Variants in CSMD3 observed in about 807,000 individuals in gnomAD.
CSMD3 encodes the protein CUB and sushi domain-containing protein 3.
Under a neutral mutation model 435.2 loss-of-function variants are expected in CSMD3, and 177 were observed. The ratio of observed to expected loss-of-function variants is 0.41; its 90% CI spans 0.36 to 0.46. CSMD3 has a LOEUF of 0.46. CSMD3 is among the 20% of genes least tolerant of loss of function. The pLI, the probability that CSMD3 is intolerant of heterozygous loss-of-function variation, is 0.34. For missense variants in CSMD3, 4,265 were observed against 4,504.6 expected, an observed-to-expected ratio of 0.95 and a Z score of 1.52; for synonymous variants, 1,656 against 1,520.5, an observed-to-expected ratio of 1.09 and a Z score of -2.07.
intron 10 of CSMD3, among the ~76,000 whole-genome samples, chr8:112,863,584 A>T (rs2080885274): frequency 6.6e-6 from 1 of 152,016 alleles, no homozygotes. Flanking sequence ...CTCCATTCTT[A>T]TTCAATTTCA....
intron 10 of CSMD3, among the ~76,000 whole-genome samples, chr8:112,866,985 GACTT>G (rs2081002724): frequency 6.6e-6 from 1 of 152,044 alleles, no homozygotes; most frequent in African/African-American, 2.4e-5. Flanking sequence ...ACCAACAAAG[GACTT>G]ACTTATTTAA....
chr8:112,765,711 C>G (rs1434736009), intron 13 of CSMD3, among the ~76,000 whole-genome samples: 1 of 151,578 alleles, frequency 6.6e-6, no homozygotes, highest in Admixed American at 6.6e-5. Context: ...AATTGTTTTT[C>G]AATTTTTCAT....
At chr8:112,231,678 C>A (rs2129898303) in intron 68 of CSMD3, 46 bp from the exon 69 acceptor site, 1 of 1,066,134 alleles carries the variant, frequency 9.4e-7, no homozygotes, top group Non-Finnish European at 1.5e-6. Flanking sequence ...CTGGCCATAG[C>A]TATATTTTCC....
intron 1 of CSMD3, among the ~76,000 whole-genome samples, chr8:113,406,046 G>A (rs2094531462): frequency 6.6e-6 from 1 of 151,820 alleles, no homozygotes; most frequent in African/African-American, 2.4e-5. Flanking sequence ...AAGAGGTGGT[G>A]TCAGAAGCTG....
At chr8:112,306,241 A>C (rs1224898295) in intron 50 of CSMD3, 49 bp from the exon 51 acceptor site, 3 of 1,407,588 alleles carry the variant, frequency 2.1e-6, no homozygotes, top group African/African-American at 2.8e-5. Flanking sequence ...AAAAATGTTT[A>C]ATTTATTAGG....
At chr8:112,771,412 A>G (rs1188445851) in intron 13 of CSMD3, among the ~76,000 whole-genome samples, 1 of 151,908 alleles carries the variant, frequency 6.6e-6, no homozygotes, top group East Asian at 1.9e-4. Context: ...GGTGGCAAAT[A>G]CCTGTAATTC....
At chr8:112,279,559 G>A (rs1292217632) in intron 59 of CSMD3, among the ~76,000 whole-genome samples, 2 of 152,062 alleles carry the variant, frequency 1.3e-5, no homozygotes. Flanking sequence ...AGTTAATACA[G>A]CCCAACTTAG....
intron 13 of CSMD3, among the ~76,000 whole-genome samples, chr8:112,783,485 GA>G (rs1177070056): frequency 2.0e-4 from 15 of 76,294 alleles, no homozygotes; most frequent in Non-Finnish European, 2.8e-4. Flanking sequence ...AAGGAAGGGA[GA>G]GAAGGGAGGG....
intron 4 of CSMD3, among the ~76,000 whole-genome samples, chr8:113,172,761 T>C (rs2092288458): frequency 6.6e-6 from 1 of 152,132 alleles, no homozygotes; most frequent in African/African-American, 2.4e-5. Flanking sequence ...GTAATTTAGA[T>C]GGGCAGTTGG....
chr8:112,355,790 G>A (rs889431506), intron 38 of CSMD3, among the ~76,000 whole-genome samples: 5 of 151,866 alleles, frequency 3.3e-5, no homozygotes, highest in South Asian at 2.1e-4. Flanking sequence ...CAGAGATTGT[G>A]CCACTGCACT....
At chr8:113,276,679 C>T (rs1032312749) in intron 3 of CSMD3, among the ~76,000 whole-genome samples, 1 of 151,996 alleles carries the variant, frequency 6.6e-6, no homozygotes, top group African/African-American at 2.4e-5. Flanking sequence ...AACACCAGGA[C>T]TTTTAACTTA....
intron 9 of CSMD3, among the ~76,000 whole-genome samples, chr8:112,929,868 C>T (rs1564116582): frequency 1.3e-5 from 2 of 151,766 alleles, no homozygotes; most frequent in African/African-American, 4.8e-5. Flanking sequence ...TTTTCTGTGA[C>T]AGAAATGTTT....
chr8:112,557,036 A>G, intron 24 of CSMD3, 82 bp from the exon 25 acceptor site: 2 of 841,100 alleles, frequency 2.4e-6, no homozygotes, highest in South Asian at 1.4e-5. Context: ...TTCCTTTACT[A>G]TTTTTGATGA....
chr8:112,806,466 G>A (rs887875955), intron 12 of CSMD3, among the ~76,000 whole-genome samples: 10 of 152,180 alleles, frequency 6.6e-5, no homozygotes, highest in South Asian at 6.2e-4. Context: ...ACTTATATGC[G>A]CGTCCCACAT....
intron 37 of CSMD3, among the ~76,000 whole-genome samples, chr8:112,383,150 T>C (rs916229072): frequency 1.3e-5 from 2 of 152,228 alleles, no homozygotes; most frequent in African/African-American, 4.8e-5. Flanking sequence ...TTCTGTATTC[T>C]CTTTATTCTC....
At chr8:113,288,028 T>G (rs1196970658) in intron 2 of CSMD3, among the ~76,000 whole-genome samples, 1 of 151,934 alleles carries the variant, frequency 6.6e-6, no homozygotes. Context: ...CAAAGTAGGT[T>G]ATTTTCTAGT....
intron 22 of CSMD3, among the ~76,000 whole-genome samples, chr8:112,619,117 A>G (rs931131883): frequency 4.6e-5 from 7 of 152,068 alleles, no homozygotes; most frequent in South Asian, 4.1e-4. Flanking sequence ...TAAGTGCTCA[A>G]CAGCTGATAA....
chr8:112,307,959 G>A (rs74549772), intron 50 of CSMD3, among the ~76,000 whole-genome samples: 4,945 of 152,042 alleles, frequency 0.033, 268 homozygotes, highest in African/African-American at 0.11. Context: ...ATTAACCCAC[G>A]TAAATTAAAT....
At chr8:112,865,684 CCCCACA>C (rs56656827) in intron 10 of CSMD3, among the ~76,000 whole-genome samples, 4,020 of 136,156 alleles carry the variant, frequency 0.03, 90 homozygotes, top group African/African-American at 0.061. Context: ...CCTTTACATA[CCCCACA>C]CACACACACA....
Sources: gnomAD v4.1 joint callset for allele counts (sites outside exome capture counted in the v4.1 genomes callset) on GRCh38, gnomAD v4.1.1 for gene constraint, MANE v1.5 for transcripts, NCBI Gene and HGNC (gene_info 2026-07-23, HGNC 2026-07-21) for gene names.